MMUT: variants seen among roughly 807,000 people sequenced by gnomAD.
The protein encoded by MMUT is methylmalonyl-CoA mutase, mitochondrial.
A neutral mutation model predicts 79.9 loss-of-function variants in MMUT; 79 were observed. The ratio of observed to expected loss-of-function variants is 0.99; its 90% confidence interval spans 0.82 to 1.19. MMUT has a LOEUF of 1.19. MMUT is among the 50% of genes most tolerant of loss of function. The pLI is 0.00. For missense variants in MMUT, 860 were observed against 917.2 expected, an observed-to-expected ratio of 0.94 and a Z score of 0.81; for synonymous variants, 273 against 295.7, an observed-to-expected ratio of 0.92 and a Z score of 0.79.
rs747777227 is a variant in MMUT at position 49,457,751 on chromosome 6, G to GT, written c.692dup (p.Tyr231Ter). Residue 231 changes from tyrosine to a stop codon, truncating the protein, a stop_gained and frameshift_variant, in exon 3 of 13, where the codon TAC becomes TAAC. Coordinates refer to ENST00000274813, the MANE Select transcript of MMUT (RefSeq NM_000255.4). LOFTEE classifies it high-confidence loss of function. ...ILKEFMVRNT[Y>*]IFPPEPSMKI... is the part of the protein sequence containing the mutation. ...TCATGGATGGTTCTGGAGGAAAAATGTATGTATTTCGAACCATAAATTCCT... is the reference window on the plus strand; with the variant it reads ...TCATGGATGGTTCTGGAGGAAAAATGTTATGTATTTCGAACCATAAATTCCT... 2.5e-6 allele frequency: 4 copies of GT among 1,611,518 alleles called. No homozygotes were observed. The South Asian group carries it at 4.4e-5, about 18-fold the overall frequency.
chr6:49,462,168 C>T (rs1767866476), intron 1 of MMUT, among the ~76,000 whole-genome samples: 1 of 152,136 alleles, frequency 6.6e-6, no homozygotes, highest in East Asian at 1.9e-4. Flanking sequence ...TCTCAGAAGA[C>T]CATCAAGAGA....
chr6:49,440,208 G>A lies in MMUT; in HGVS notation c.1954C>T (p.Gln652Ter). 6.2e-7 allele frequency: 1 copy of A among 1,613,984 alleles called. No individual in the cohort carries two copies. Among genetic ancestry groups the A allele is most frequent in the Non-Finnish European group, 8.5e-7 (1 of 1,179,928 alleles). Reference protein sequence around the residue: ...GFDVDIGPLFQTPREVAQQAV... With the variant: ...GFDVDIGPLF ...TTCCCCCCAACAGTTTTTAGTACCT[G>A]GAAAAGAGGGCCTATGTCCACATCA... is the stretch of plus-strand genomic sequence containing the variant. Residue 652 changes from glutamine to a stop codon, truncating the protein, a stop_gained and splice_region_variant, in exon 11 of 13, where the codon CAG (glutamine) becomes TAG (stop). Coordinates refer to ENST00000274813, the MANE Select transcript of MMUT (RefSeq NM_000255.4). LOFTEE classifies it high-confidence loss of function.
chr6:49,436,040 A>T (rs1581818724), intron 11 of MMUT, among the ~76,000 whole-genome samples: 1 of 146,726 alleles, frequency 6.8e-6, no homozygotes, highest in Non-Finnish European at 1.5e-5. Flanking sequence ...CAAATCACTG[A>T]TTGTTAGAGA....
At chr6:49,444,776 G>T in intron 8 of MMUT, 22 bp from the exon 9 acceptor site, 1 of 1,558,290 alleles carries the variant, frequency 6.4e-7, no homozygotes, top group Non-Finnish European at 8.9e-7. Flanking sequence ...GTCAAGGAAA[G>T]GGACAATTTA....
At chr6:49,455,934 C>T (rs1210072378) in intron 4 of MMUT, 146 bp downstream of exon 4, 6 of 707,534 alleles carry the variant, frequency 8.5e-6, no homozygotes, top group Non-Finnish European at 1.3e-5. Flanking sequence ...GAAATATTGG[C>T]TTTTTCTCTC....
intron 6 of MMUT, 140 bp from the exon 7 acceptor site, chr6:49,449,067 T>TAAATAAAC (rs1767485466): frequency 4.0e-6 from 2 of 498,686 alleles, no homozygotes; most frequent in African/African-American, 4.0e-5. Flanking sequence ...AGAACAGAAT[T>TAAATAAAC]AAATAAACAT....
intron 6 of MMUT, among the ~76,000 whole-genome samples, chr6:49,449,281 T>C (rs1252807194): frequency 6.6e-6 from 1 of 152,174 alleles, no homozygotes; most frequent in East Asian, 1.9e-4. Flanking sequence ...AATTTACTTT[T>C]GATTTGAGCT....
intron 8 of MMUT, among the ~76,000 whole-genome samples, chr6:49,447,081 C>T (rs1425597325): frequency 4.0e-5 from 6 of 151,824 alleles, no homozygotes; most frequent in African/African-American, 1.2e-4. Flanking sequence ...TCTGGATCAA[C>T]TCAGTGACAA....
chr6:49,439,912 A>T (rs1345124148), intron 11 of MMUT, among the ~76,000 whole-genome samples: 2 of 152,210 alleles, frequency 1.3e-5, no homozygotes, highest in Non-Finnish European at 2.9e-5. Flanking sequence ...ATCTTGCAGA[A>T]GTGAAAAGTG....
chr6:49,460,031 T>C (rs1374585040), intron 1 of MMUT, among the ~76,000 whole-genome samples: 3 of 152,220 alleles, frequency 2.0e-5, no homozygotes, highest in African/African-American at 7.2e-5. Flanking sequence ...TCTGTCTTTG[T>C]CCTCTTTATG....
intron 8 of MMUT, 26 bp downstream of exon 8, chr6:49,447,644 A>G: frequency 2.1e-6 from 3 of 1,436,036 alleles, no homozygotes; most frequent in Non-Finnish European, 2.9e-6. Flanking sequence ...TACTTAAAAA[A>G]AAAAAAAAAA....
chr6:49,459,435 A>G lies in MMUT; in HGVS notation c.32T>C (p.Leu11Pro), dbSNP rs763898170. MLRAKNQLFL[L>P]SPHYLRQVKE... is the part of the protein sequence containing the mutation. ...TACCTGCCTCAGGTAATGAGGTGAA[A>G]GTAAAAAAAGCTGATTCTTAGCTCT... The change falls in exon 2 of 13, where the codon CTT (leucine) becomes CCT (proline). Residue 11 changes from leucine (L) to proline (P), a missense_variant. By Grantham distance (98) the Leu-to-Pro change is moderately conservative. Coordinates refer to ENST00000274813, the MANE Select transcript of MMUT (RefSeq NM_000255.4). The G allele has an allele frequency of 5.6e-6, 9 of 1,613,236 alleles. No individual in the cohort carries two copies. In the African/African-American group the frequency reaches 1.2e-4, roughly 22 times the overall value.
chr6:49,452,491 C>T (rs1219192414), intron 5 of MMUT, among the ~76,000 whole-genome samples: 1 of 152,062 alleles, frequency 6.6e-6, no homozygotes, highest in East Asian at 1.9e-4. Context: ...TGCCAACACA[C>T]CTGGCTAATT....
Position 49,431,468 on chromosome 6 carries a change from C to T in MMUT, c.*260G>A, listed in dbSNP as rs1252133655. On this transcript the variant is annotated 3_prime_UTR_variant, in exon 13 of 13. Coordinates refer to ENST00000274813, the MANE Select transcript of MMUT (RefSeq NM_000255.4). Reference sequence around the variant, plus strand: ...ATCACCATGATTTTTAAAAATAATACCATTGTCCAGAGTTCTTGATAAAGT... The same window carrying T: ...ATCACCATGATTTTTAAAAATAATATCATTGTCCAGAGTTCTTGATAAAGT... 1 of 237,550 alleles carries T rather than the reference C, an allele frequency of 4.2e-6. No homozygotes were observed. The highest frequency in any genetic ancestry group is 8.3e-6 in the Non-Finnish European group (1 of 120,848). The allele number at this position is 237,550 out of a possible 1,614,324, so 14.7% of individuals were successfully genotyped here.
In MMUT at chr6:49,441,902, C is replaced by T; in HGVS notation, c.1746G>A (p.Met582Ile). The T allele has an allele frequency of 6.2e-7, 1 of 1,612,184 alleles. No homozygotes were observed. Among genetic ancestry groups the T allele is most frequent in the Non-Finnish European group, 8.5e-7 (1 of 1,178,806 alleles). ...VFGEHKANDR[M>I]VSGAYRQEFG... The stretch of plus-strand genomic sequence containing the variant: ...ATTCCTGGCGATATGCTCCACTCAC[C>T]ATTCGATCATTCGCTTTATGTTCAC... Residue 582 changes from methionine to isoleucine, a missense_variant, in exon 10 of 13, where the codon ATG (methionine) becomes ATA (isoleucine). Physicochemically the swap from Met to Ile is conservative, Grantham distance 10. Transcript: ENST00000274813.
chr6:49,441,701 A>C (rs1767279715), intron 10 of MMUT, 139 bp downstream of exon 10: 2 of 353,142 alleles, frequency 5.7e-6, no homozygotes, highest in Non-Finnish European at 9.0e-6. Context: ...TATATAATTA[A>C]TATTTAATTT....
chr6:49,443,873 A>G (rs887139397), intron 9 of MMUT: 2 of 390,618 alleles, frequency 5.1e-6, no homozygotes, highest in South Asian at 3.7e-5. Flanking sequence ...TAAATGCAGG[A>G]TGACAAAAGT....
At chr6:49,439,325 G>A (rs913738400) in intron 11 of MMUT, among the ~76,000 whole-genome samples, 1 of 152,130 alleles carries the variant, frequency 6.6e-6, no homozygotes, top group African/African-American at 2.4e-5. Context: ...GTAGTTATCT[G>A]CAGAAGATGG....
chr6:49,441,805 G>C, intron 10 of MMUT, 35 bp downstream of exon 10: 1 of 1,602,700 alleles, frequency 6.2e-7, no homozygotes, highest in Non-Finnish European at 8.5e-7. Flanking sequence ...TAACAGAAAA[G>C]ATGAAATTCT....
Sources: gnomAD v4.1 joint callset for allele counts (sites outside exome capture counted in the v4.1 genomes callset) on GRCh38, gnomAD v4.1.1 for gene constraint, MANE v1.5 for transcripts, NCBI Gene and HGNC (gene_info 2026-07-23, HGNC 2026-07-21) for gene names.